The following SCN7A variants were observed in gnomAD, a reference collection of about 807,000 sequenced individuals.
SCN7A encodes the protein sodium channel protein type 7 subunit alpha.
A neutral mutation model predicts 155.2 loss-of-function variants in SCN7A; 138 were observed. The observed-to-expected ratio is 0.89, with a 90% CI of 0.77 to 1.02. The LOEUF (loss-of-function observed/expected upper bound fraction) is 1.02, where lower values mean the gene tolerates loss of function less well. Among genes scored for constraint, SCN7A ranks in the 50% least tolerant of loss-of-function variants. The probability of loss-of-function intolerance (pLI) is 0.00; values close to 1 mark genes in which losing one functional copy is unlikely to be tolerated. For synonymous variants in SCN7A, 693 were observed against 649.0 expected, an observed-to-expected ratio of 1.07 and a Z score of -1.03; for missense variants, 2,058 against 1,986.6, an observed-to-expected ratio of 1.04 and a Z score of -0.68.
At chr2:166,445,557 C>T (rs199759672) in intron 12 of SCN7A, among the ~76,000 whole-genome samples, 2 of 152,036 alleles carry the variant, frequency 1.3e-5, no homozygotes, top group Non-Finnish European at 2.9e-5. Context: ...CTCTCTTGGG[C>T]GACCCACTTT....
chr2:166,405,612 T>C lies in SCN7A; in HGVS notation c.5017A>G (p.Lys1673Glu), dbSNP rs1205648280. The C allele has an allele frequency of 5.6e-6, 9 of 1,600,890 alleles. No individual in the cohort carries two copies. The highest frequency in any genetic ancestry group is 7.7e-6 in the Non-Finnish European group (9 of 1,174,012). Residue 1673 changes from lysine (K) to glutamate (E), a missense_variant, in exon 26 of 26, where the codon AAG becomes GAG. Transcript: ENST00000643258. Reference protein sequence around the residue: ...TKEGAYFDKAKEKSPIQSQI With the variant: ...TKEGAYFDKAEEKSPIQSQI ...TGGCTTTGAATAGGTGACTTTTCCT[T>C]AGCTTTGTCAAAATAGGCACCTTCT...
At chr2:166,445,429 C>A (rs897219050) in intron 12 of SCN7A, among the ~76,000 whole-genome samples, 1 of 151,846 alleles carries the variant, frequency 6.6e-6, no homozygotes, top group Non-Finnish European at 1.5e-5. Context: ...AAAGTTCTAA[C>A]GAACTAATAG....
Position 166,470,694 on chromosome 2 carries a change from T to C in SCN7A, c.585A>G (p.Arg195=). The change falls in exon 7 of 26, where the codon AGA becomes AGG. Residue 195 remains arginine, a synonymous_variant. Coordinates refer to ENST00000643258, the MANE Select transcript of SCN7A (RefSeq NM_002976.4). ...TTGGAATGAAGTCCAGAGGTGAGTA[T>C]CTTATAATAACCCTGTGGAATTAAA... ...FSVTVFEVII[R]YSPLDFIPTL... is the part of the protein sequence containing the mutation. The C allele has an allele frequency of 6.2e-7, 1 of 1,607,752 alleles. No homozygotes were observed. Among genetic ancestry groups the C allele is most frequent in the Non-Finnish European group, 8.5e-7 (1 of 1,176,194 alleles).
chr2:166,442,538 C>A (rs769485911), intron 14 of SCN7A, among the ~76,000 whole-genome samples: 1 of 151,720 alleles, frequency 6.6e-6, no homozygotes, highest in Non-Finnish European at 1.5e-5. Context: ...CAGACATGAA[C>A]CACCACTGTG....
chr2:166,471,800 A>C (rs933598921), intron 6 of SCN7A, among the ~76,000 whole-genome samples: 1 of 151,670 alleles, frequency 6.6e-6, no homozygotes, highest in African/African-American at 2.4e-5. Flanking sequence ...ATGTAGCTAC[A>C]TGCAACGTAG....
chr2:166,468,064 A>G (rs34071682), intron 7 of SCN7A, among the ~76,000 whole-genome samples: 12,885 of 152,018 alleles, frequency 0.085, 574 homozygotes, highest in Middle Eastern at 0.16. Context: ...CTCTACATCA[A>G]TAAGACTGTG....
chr2:166,425,730 G>A (rs748009314), intron 18 of SCN7A, among the ~76,000 whole-genome samples: 3 of 152,046 alleles, frequency 2.0e-5, no homozygotes, highest in East Asian at 1.9e-4. Flanking sequence ...TCTTTTGCCC[G>A]AACCATTGTG....
In SCN7A at chr2:166,477,492, C is replaced by T; in HGVS notation, c.205G>A (p.Val69Met). The change falls in exon 3 of 26, where the codon GTG becomes ATG. Residue 69 changes from valine to methionine, a missense_variant. Physicochemically the swap from Val to Met is conservative, Grantham distance 21. Transcript: ENST00000643258. ...QGMVSEPLED[V>M]DPYYYKKKNT... is the part of the protein sequence containing the mutation. ...TTTTTCTTGTAGTAATATGGGTCCACATCTTCCAAGGGCTCTGACACCATT... is the reference window on the plus strand; with the variant it reads ...TTTTTCTTGTAGTAATATGGGTCCATATCTTCCAAGGGCTCTGACACCATT... The T allele has an allele frequency of 1.9e-6, 3 of 1,548,036 alleles. 1 individual carries two copies. The South Asian group carries it at 3.6e-5, about 19-fold the overall frequency.
intron 21 of SCN7A, among the ~76,000 whole-genome samples, chr2:166,414,103 TTA>T (rs1308060985): frequency 3.3e-4 from 21 of 63,022 alleles, no homozygotes; most frequent in African/African-American, 1.2e-3. Context: ...ATATAATATA[TTA>T]TATATAAATA....
rs74628169 is a variant in SCN7A, at chr2:166,420,615, A to G, written c.3135+575T>C. On this transcript the variant is annotated intron_variant, in intron 20 of 25. Coordinates refer to ENST00000643258, the MANE Select transcript of SCN7A (RefSeq NM_002976.4). ...TTATAATATTCAATCTATTTTCTTTACATTTTTCAGACATTGGCCATTTTA... is the reference window on the plus strand; with the variant it reads ...TTATAATATTCAATCTATTTTCTTTGCATTTTTCAGACATTGGCCATTTTA... 5.1e-3 allele frequency among the ~76,000 whole-genome samples: 774 copies of G among 152,114 alleles called. 43 individuals are homozygous for G. The East Asian group carries it at 0.11, about 22-fold the overall frequency.
Position 166,489,640 on chromosome 2 carries a change from G to A in SCN7A, c.-127-2672C>T, listed in dbSNP as rs114128298. Reference sequence around the variant, plus strand: ...TTGGGTTGGTTACTTCCAATTTGGCGTTGATGATCTGATGCCTACTTTTTT... The same window carrying A: ...TTGGGTTGGTTACTTCCAATTTGGCATTGATGATCTGATGCCTACTTTTTT... On this transcript the variant is annotated intron_variant, in intron 1 of 25. Coordinates refer to ENST00000643258, the MANE Select transcript of SCN7A (RefSeq NM_002976.4). Among the ~76,000 whole-genome samples, 1,008 of 152,224 alleles carry A rather than the reference G, an allele frequency of 6.6e-3. 6 individuals carry two copies. Among genetic ancestry groups the A allele is most frequent in the African/African-American group, 0.023 (964 of 41,528 alleles).
chr2:166,466,575 T>C (rs934614404), intron 7 of SCN7A, among the ~76,000 whole-genome samples: 2 of 152,098 alleles, frequency 1.3e-5, no homozygotes, highest in African/African-American at 4.8e-5. Context: ...TGCTGACTTC[T>C]GAAAGTAGAA....
Position 166,416,760 on chromosome 2 carries a change from C to T in SCN7A, c.3361G>A (p.Ala1121Thr). ...CCAACATTATCAAAGTTCATTTTTG[C>T]ATTTTCCCATAGCATGGATTCGTTA... ...LFNESMLWEN[A>T]KMNFDNVGNG... Residue 1121 changes from alanine (A) to threonine (T), a missense_variant, in exon 21 of 26, where the codon GCA becomes ACA. Ala to Thr is a moderately conservative substitution (Grantham distance 58). Coordinates refer to ENST00000643258, the MANE Select transcript of SCN7A (RefSeq NM_002976.4). 1 of 1,612,112 alleles carries T rather than the reference C, an allele frequency of 6.2e-7. No individual in the cohort carries two copies. Among genetic ancestry groups the T allele is most frequent in the East Asian group, 2.2e-5 (1 of 44,726 alleles).
intron 18 of SCN7A, 58 bp downstream of exon 18, chr2:166,427,730 C>G: frequency 6.8e-7 from 1 of 1,477,200 alleles, no homozygotes; most frequent in African/African-American, 1.4e-5. Flanking sequence ...TCTGAATTAA[C>G]AGAATCATGA....
intron 21 of SCN7A, chr2:166,414,497 A>G (rs1263879880): frequency 7.2e-6 from 1 of 139,220 alleles, no homozygotes; most frequent in Non-Finnish European, 1.5e-5. Flanking sequence ...CTCCTATCCT[A>G]TATCAGCACC....
chr2:166,480,185 G>T (rs7575915), intron 2 of SCN7A, among the ~76,000 whole-genome samples: 2 of 151,928 alleles, frequency 1.3e-5, no homozygotes, highest in Non-Finnish European at 2.9e-5. Flanking sequence ...AGGCCGCGCA[G>T]GGTGGCTCAT....
rs1553520378 is a variant in SCN7A, at chr2:166,473,882, GA to G, written c.359del (p.Phe120SerfsTer6). On this transcript the variant is annotated frameshift_variant, in exon 5 of 26. Transcript: ENST00000643258. LOFTEE classifies it high-confidence loss of function. Reference protein sequence around the residue: ...TTIKVLVHPFFQLFILISVLI... With the variant: ...TTIKVLVHPFXQLFILISVLI... ...GGACACTAATTAGAATAAACAGTTG[GA>G]AAAAGGTAGCTTATAGTCAAGGAAT... 5 of 1,551,676 alleles carry G rather than the reference GA, an allele frequency of 3.2e-6. No homozygotes were observed. Among genetic ancestry groups the G allele is most frequent in the East Asian group, 2.3e-5 (1 of 43,212 alleles).
At chr2:166,466,921 C>T (rs1702546502) in intron 7 of SCN7A, among the ~76,000 whole-genome samples, 1 of 151,846 alleles carries the variant, frequency 6.6e-6, no homozygotes, top group South Asian at 2.1e-4. Flanking sequence ...GATTAGATTT[C>T]TTGAGTAAAG....
At chr2:166,426,704 T>C (rs1238585906) in intron 18 of SCN7A, among the ~76,000 whole-genome samples, 1 of 152,044 alleles carries the variant, frequency 6.6e-6, no homozygotes, top group Non-Finnish European at 1.5e-5. Context: ...CTGGCTACCC[T>C]TGTGGAGTAG....
Sources: gnomAD v4.1 joint callset for allele counts (sites outside exome capture counted in the v4.1 genomes callset) on GRCh38, gnomAD v4.1.1 for gene constraint, MANE v1.5 for transcripts, NCBI Gene and HGNC (gene_info 2026-07-23, HGNC 2026-07-21) for gene names.